The following ANO4 variants were observed in gnomAD, a reference collection of about 807,000 sequenced individuals.
ANO4 encodes the protein anoctamin-4.
In ANO4, 69 loss-of-function variants were observed where a neutral mutation model predicts 141.9. That is an observed-to-expected ratio of 0.49 (90% CI 0.40 to 0.59). The LOEUF (loss-of-function observed/expected upper bound fraction) is 0.59. ANO4 is among the 20% of genes least tolerant of loss of function. The probability of loss-of-function intolerance (pLI) is 0.00; values close to 1 mark genes in which losing one functional copy is unlikely to be tolerated. For missense variants in ANO4, 894 were observed against 1,162.2 expected (o/e 0.77, Z 3.36); for synonymous variants, 350 against 394.3 (o/e 0.89, Z 1.33).
chr12:100,727,735 A>C (rs1223690182), intron 1 of ANO4, among the ~76,000 whole-genome samples: 1 of 151,926 alleles, frequency 6.6e-6, no homozygotes, highest in Non-Finnish European at 1.5e-5. Flanking sequence ...TATTTTTCCT[A>C]TGACTTTCCC....
chr12:101,113,060 T>C (rs2050721057), intron 24 of ANO4, among the ~76,000 whole-genome samples: 1 of 152,138 alleles, frequency 6.6e-6, no homozygotes, highest in South Asian at 2.1e-4. Context: ...GAGTGGGATG[T>C]GCATTATAAT....
At chr12:100,934,544 T>G (rs1460306801) in intron 3 of ANO4, among the ~76,000 whole-genome samples, 2 of 152,224 alleles carry the variant, frequency 1.3e-5, no homozygotes, top group African/African-American at 2.4e-5. Context: ...GTTTTGTTTT[T>G]TTTTGCTTAG....
intron 14 of ANO4, among the ~76,000 whole-genome samples, chr12:101,078,322 AGTGTGTGTGTGTCTGTATGCATGT>A (rs2049106359): frequency 7.2e-6 from 1 of 139,720 alleles, no homozygotes; most frequent in South Asian, 2.4e-4. Flanking sequence ...TGAGTGAGAG[AGTGTGTGTGTGTCTGTATGCATGT>A]GTGTGTGTGT....
At chr12:100,731,979 C>T (rs893793359) in intron 1 of ANO4, among the ~76,000 whole-genome samples, 2 of 152,134 alleles carry the variant, frequency 1.3e-5, no homozygotes, top group African/African-American at 2.4e-5. Flanking sequence ...ATTTTCCATT[C>T]CTCTACGGAA....
At position 101,043,558 on chromosome 12, in the gene ANO4, A is replaced by G; in HGVS notation, c.1174A>G (p.Thr392Ala). ...SQVSKEVCQATDIIMCPVCDK... is the reference protein window; with the variant it reads ...SQVSKEVCQAADIIMCPVCDK... Reference sequence around the variant, plus strand: ...TTCCAGTAAAGAAGTCTGCCAAGCTACAGATATCATCATGTGTCCTGTGTG... The same window carrying G: ...TTCCAGTAAAGAAGTCTGCCAAGCTGCAGATATCATCATGTGTCCTGTGTG... Residue 392 changes from threonine (T) to alanine (A), a missense_variant, in exon 13 of 28, where the codon ACA becomes GCA. Coordinates refer to ENST00000392977, the MANE Select transcript of ANO4 (RefSeq NM_001286615.2). 1.2e-6 allele frequency: 2 copies of G among 1,613,674 alleles called. No individual in the cohort carries two copies. Among genetic ancestry groups the G allele is most frequent in the Non-Finnish European group, 8.5e-7 (1 of 1,179,672 alleles).
chr12:101,062,393 T>C (rs1194906081), intron 14 of ANO4, among the ~76,000 whole-genome samples: 2 of 152,188 alleles, frequency 1.3e-5, no homozygotes, highest in African/African-American at 2.4e-5. Context: ...AGTCTGTCCC[T>C]TAGCAGAGCT....
At chr12:100,765,975 A>G (rs1282649570) in intron 3 of ANO4, among the ~76,000 whole-genome samples, 2 of 152,026 alleles carry the variant, frequency 1.3e-5, no homozygotes, top group Non-Finnish European at 2.9e-5. Flanking sequence ...TCCAAAATTT[A>G]TTCATCCTAT....
intron 1 of ANO4, among the ~76,000 whole-genome samples, chr12:100,841,118 A>G (rs970728172): frequency 1.3e-5 from 2 of 152,168 alleles, no homozygotes; most frequent in Admixed American, 6.6e-5. Flanking sequence ...ACCAGAAATG[A>G]GGGGAGAAGA....
intron 1 of ANO4, among the ~76,000 whole-genome samples, chr12:100,805,103 C>A (rs545540621): frequency 3.3e-5 from 5 of 152,030 alleles, no homozygotes; most frequent in African/African-American, 4.8e-5. Flanking sequence ...AAGTCTTTAA[C>A]CTATCTTGAG....
In ANO4 at chr12:100,818,497, G is replaced by A. The variant is rs573129343; in HGVS notation, c.-141+23470G>A. ...AGAATAGCTCCTGATATTAAATAGTGTCAATAATAATACTTTAGCAGTCAT... is the reference window on the plus strand; with the variant it reads ...AGAATAGCTCCTGATATTAAATAGTATCAATAATAATACTTTAGCAGTCAT... On this transcript the variant is annotated intron_variant, in intron 1 of 27. Coordinates refer to ENST00000392977, the MANE Select transcript of ANO4 (RefSeq NM_001286615.2). Among the ~76,000 whole-genome samples, 14 of 151,880 alleles carry A rather than the reference G, an allele frequency of 9.2e-5. No homozygotes were observed. In the South Asian group the frequency reaches 2.7e-3, roughly 29 times the overall value.
rs1435646968 is a variant in ANO4, at chr12:101,057,364, ATACTCAG to A, written c.1312+8966_1312+8972del. Among the ~76,000 whole-genome samples, 6 of 152,302 alleles carry A rather than the reference ATACTCAG, an allele frequency of 3.9e-5. No homozygotes were observed. In the East Asian group the frequency reaches 1.2e-3, roughly 29 times the overall value. ...GAATGATTTATAATCCTTTGGGTGT[ATACTCAG>A]TAATGGGATTGCTGGGTCAAATGGT... On this transcript the variant is annotated intron_variant, in intron 14 of 27. Transcript: ENST00000392977.
intron 1 of ANO4, among the ~76,000 whole-genome samples, chr12:100,897,811 C>T (rs12318918): frequency 0.046 from 6,987 of 152,206 alleles, 535 homozygotes; most frequent in African/African-American, 0.16. Context: ...TCAGCCTGGA[C>T]GATGCCATGG....
intron 9 of ANO4, among the ~76,000 whole-genome samples, chr12:101,034,253 G>A (rs1413282642): frequency 6.6e-6 from 1 of 152,146 alleles, no homozygotes; most frequent in Non-Finnish European, 1.5e-5. Context: ...GCCCATCAAT[G>A]ATAGAGTGGA....
chr12:101,007,774 C>T (rs990230177), intron 8 of ANO4, among the ~76,000 whole-genome samples: 3 of 152,116 alleles, frequency 2.0e-5, no homozygotes, highest in African/African-American at 7.2e-5. Flanking sequence ...GGCTGGAGCA[C>T]AGCTGCGTGA....
chr12:100,887,106 T>C (rs1349425641), intron 1 of ANO4, among the ~76,000 whole-genome samples: 1 of 152,254 alleles, frequency 6.6e-6, no homozygotes, highest in Non-Finnish European at 1.5e-5. Context: ...TAAAGCAGTG[T>C]TCCCTTTAGG....
intron 11 of ANO4, 29 bp from the exon 12 acceptor site, chr12:101,042,305 A>G: frequency 6.2e-7 from 1 of 1,613,776 alleles, no homozygotes; most frequent in Non-Finnish European, 8.5e-7. Context: ...ACTGCACTGT[A>G]ATTTGCAAGG....
At chr12:101,081,948 A>T (rs529473748) in intron 15 of ANO4, among the ~76,000 whole-genome samples, 58 of 151,800 alleles carry the variant, frequency 3.8e-4, no homozygotes, top group Non-Finnish European at 7.7e-4. Flanking sequence ...TTACCACTAT[A>T]AAAAAAACCT....
At chr12:100,986,333 T>A (rs779493131) in intron 7 of ANO4, among the ~76,000 whole-genome samples, 7 of 152,184 alleles carry the variant, frequency 4.6e-5, no homozygotes, top group Non-Finnish European at 8.8e-5. Context: ...CAGGAGAAGA[T>A]GGATGTTCCA....
intron 1 of ANO4, among the ~76,000 whole-genome samples, chr12:100,878,152 A>C (rs2039406507): frequency 6.6e-6 from 1 of 152,136 alleles, no homozygotes; most frequent in Non-Finnish European, 1.5e-5. Flanking sequence ...AGTATCACTG[A>C]GTTTGATCAC....
Sources: gnomAD v4.1 joint callset for allele counts (sites outside exome capture counted in the v4.1 genomes callset) on GRCh38, gnomAD v4.1.1 for gene constraint, MANE v1.5 for transcripts, NCBI Gene and HGNC (gene_info 2026-07-23, HGNC 2026-07-21) for gene names.